CTNNA3: variants seen among roughly 807,000 people sequenced by gnomAD.
The protein encoded by CTNNA3 is catenin alpha 3, also known as catenin alpha-3.
A neutral mutation model predicts 95.7 loss-of-function variants in CTNNA3; 76 were observed. The observed-to-expected ratio is 0.79, with a 90% CI of 0.66 to 0.96. The LOEUF (loss-of-function observed/expected upper bound fraction) is 0.96, where lower values mean the gene tolerates loss of function less well. Ranked by LOEUF, CTNNA3 falls within the 40% of genes least tolerant of loss-of-function variation. The pLI, the probability that CTNNA3 is intolerant of heterozygous loss-of-function variation, is 0.00. For synonymous variants in CTNNA3, 431 were observed against 374.4 expected, an observed-to-expected ratio of 1.15 and a Z score of -1.74; for missense variants, 1,191 against 1,089.8, an observed-to-expected ratio of 1.09 and a Z score of -1.31.
At chr10:66,655,031 G>A (rs2394267) in intron 9 of CTNNA3, among the ~76,000 whole-genome samples, 100,169 of 151,858 alleles carry the variant, frequency 0.66, 33,937 homozygotes, top group East Asian at 0.95. Context: ...TGTACAACCC[G>A]GTGAGTGGAG....
chr10:66,133,512 T>TAA (rs543097320), intron 13 of CTNNA3, among the ~76,000 whole-genome samples: 7 of 128,172 alleles, frequency 5.5e-5, no homozygotes, highest in South Asian at 2.4e-4. Context: ...GAGTCTGTCT[T>TAA]AAAAAAAAAA....
chr10:66,266,176 G>C (rs1241448532), intron 13 of CTNNA3, among the ~76,000 whole-genome samples: 1 of 150,654 alleles, frequency 6.6e-6, no homozygotes, highest in East Asian at 2.0e-4. Flanking sequence ...AGGAAGGAAG[G>C]GGCTCTGAAA....
intron 9 of CTNNA3, among the ~76,000 whole-genome samples, chr10:66,762,765 C>G (rs886528724): frequency 6.6e-6 from 1 of 152,010 alleles, no homozygotes; most frequent in Non-Finnish European, 1.5e-5. Flanking sequence ...CTACTTTTTA[C>G]TATCTTTTTG....
intron 15 of CTNNA3, among the ~76,000 whole-genome samples, chr10:65,999,826 C>T (rs191941082): frequency 6.6e-6 from 1 of 151,558 alleles, no homozygotes; most frequent in African/African-American, 2.4e-5. Context: ...TGCATTGGAT[C>T]CTACAGAAAA....
chr10:66,843,383 A>G (rs1843137218), intron 7 of CTNNA3, among the ~76,000 whole-genome samples: 1 of 152,226 alleles, frequency 6.6e-6, no homozygotes, highest in Admixed American at 6.5e-5. Context: ...AAAGGCATCC[A>G]GGTATAAGAA....
chr10:66,308,559 T>C (rs1392411895), intron 12 of CTNNA3, among the ~76,000 whole-genome samples: 3 of 152,208 alleles, frequency 2.0e-5, no homozygotes, highest in African/African-American at 4.8e-5. Flanking sequence ...CAAAAACTTA[T>C]CAATTCTTTG....
chr10:66,961,186 T>C (rs1336634146), intron 7 of CTNNA3, among the ~76,000 whole-genome samples: 2 of 152,184 alleles, frequency 1.3e-5, no homozygotes, highest in Non-Finnish European at 2.9e-5. Context: ...CTAGCTATAA[T>C]ACCTGTAGTC....
rs61602518 is a variant in CTNNA3 at position 66,078,957 on chromosome 10, T to A, written c.1978-9468A>T. The stretch of plus-strand genomic sequence containing the variant: ...TTTGAATAAGTTTGGTTACCTGAAT[T>A]CCATGACCCAGTTTACAGTAAATTG... On this transcript the variant is annotated intron_variant, in intron 14 of 17. Transcript: ENST00000433211. 9.1e-4 allele frequency: 139 copies of A among 152,076 alleles called. 1 individual carries two copies. Among genetic ancestry groups the A allele is most frequent in the African/African-American group, 3.1e-3 (130 of 41,560 alleles). 9.4% of individuals were successfully genotyped at this position (152,076 alleles called of 1,614,324 possible). A position where few individuals can be genotyped will look rare whatever the true frequency, so the allele number is the denominator to read the frequency against.
At chr10:67,227,194 C>T (rs183444474) in intron 5 of CTNNA3, among the ~76,000 whole-genome samples, 60 of 151,378 alleles carry the variant, frequency 4.0e-4, no homozygotes, top group Admixed American at 1.1e-3. Flanking sequence ...CAGTTTCAAG[C>T]GATTCTCCTG....
At chr10:66,378,965 A>G (rs2092815345) in intron 12 of CTNNA3, among the ~76,000 whole-genome samples, 187 bp downstream of exon 12, 1 of 152,198 alleles carries the variant, frequency 6.6e-6, no homozygotes, top group Admixed American at 6.5e-5. Context: ...ACCTCTTTTT[A>G]CCAATGAATA....
At chr10:67,205,039 A>G (rs1863827412) in intron 6 of CTNNA3, among the ~76,000 whole-genome samples, 1 of 152,212 alleles carries the variant, frequency 6.6e-6, no homozygotes, top group Non-Finnish European at 1.5e-5. Flanking sequence ...GTTTATGTCT[A>G]CACCTTAGCA....
rs777865049 is a variant in CTNNA3 at position 67,138,999 on chromosome 10, AT to A, written c.1047+41317del. On this transcript the variant is annotated intron_variant, in intron 7 of 17. Coordinates refer to ENST00000433211, the MANE Select transcript of CTNNA3 (RefSeq NM_013266.4). ...TAAATCTGTTTAATATAAATACAAA[AT>A]AAAATCATACTCTTAAAGATTTTCA... Among the ~76,000 whole-genome samples, 8 of 152,340 alleles carry A rather than the reference AT, an allele frequency of 5.3e-5. No homozygotes were observed. The South Asian group carries it at 1.7e-3, about 32-fold the overall frequency.
chr10:67,012,714 T>C (rs12098858), intron 7 of CTNNA3, among the ~76,000 whole-genome samples: 80,655 of 151,962 alleles, frequency 0.53, 22,094 homozygotes, highest in Middle Eastern at 0.74. Flanking sequence ...ACGTCTTTGA[T>C]GTATTTCCAG....
chr10:66,703,267 C>T (rs113705879), intron 9 of CTNNA3, among the ~76,000 whole-genome samples: 49 of 152,176 alleles, frequency 3.2e-4, no homozygotes, highest in African/African-American at 1.0e-3. Flanking sequence ...TAAACAGCAC[C>T]CTTCATGCTA....
intron 7 of CTNNA3, chr10:67,097,949 A>C (rs1420451454): frequency 9.1e-6 from 6 of 660,354 alleles, no homozygotes; most frequent in Non-Finnish European, 5.2e-6. Flanking sequence ...TCATGAAATA[A>C]AGAAGACATG....
At chr10:66,441,374 G>A (rs2093374479) in intron 11 of CTNNA3, among the ~76,000 whole-genome samples, 2 of 152,068 alleles carry the variant, frequency 1.3e-5, no homozygotes, top group South Asian at 2.1e-4. Flanking sequence ...GAAATATAAG[G>A]AATAAATAAA....
At chr10:66,189,331 TAGG>T (rs1452027644) in intron 13 of CTNNA3, among the ~76,000 whole-genome samples, 1 of 151,530 alleles carries the variant, frequency 6.6e-6, no homozygotes, top group East Asian at 1.9e-4. Flanking sequence ...CTCTTTTCTC[TAGG>T]AGTTTTTCAG....
intron 15 of CTNNA3, among the ~76,000 whole-genome samples, chr10:66,014,505 GAC>G (rs1246031396): frequency 2.6e-5 from 4 of 152,082 alleles, no homozygotes; most frequent in African/African-American, 9.7e-5. Context: ...ATTTCCCTCT[GAC>G]AGAGTAGTTC....
chr10:66,904,278 A>G (rs547076526), intron 7 of CTNNA3, among the ~76,000 whole-genome samples: 1 of 152,342 alleles, frequency 6.6e-6, no homozygotes, highest in South Asian at 2.1e-4. Context: ...AGGATTCCCT[A>G]TTTAATTAAT....
Sources: allele counts gnomAD v4.1 joint callset (sites outside exome capture counted in the v4.1 genomes callset), GRCh38; gene constraint gnomAD v4.1.1; transcripts MANE v1.5; gene names NCBI Gene and HGNC (gene_info 2026-07-23, HGNC 2026-07-21).